The following MAGI2 variants were observed in gnomAD, a reference collection of about 807,000 sequenced individuals.
MAGI2 encodes the protein membrane associated guanylate kinase, WW and PDZ domain containing 2.
MAGI2 carries 35 observed loss-of-function variants against 133.3 expected under a neutral mutation model. The ratio of observed to expected loss-of-function variants is 0.26; its 90% CI spans 0.20 to 0.35. The LOEUF is 0.35. Among genes scored for constraint, MAGI2 ranks in the 10% least tolerant of loss-of-function variants. MAGI2 has a pLI of 1.00. For synonymous variants in MAGI2, 729 were observed against 710.6 expected (o/e 1.03, Z -0.41); for missense variants, 1,636 against 1,863.4 (o/e 0.88, Z 2.25).
At chr7:78,453,454 T>G (rs916268427) in intron 6 of MAGI2, among the ~76,000 whole-genome samples, 5 of 152,222 alleles carry the variant, frequency 3.3e-5, no homozygotes, top group Non-Finnish European at 7.4e-5. Context: ...TCTGTTCATT[T>G]CTTTCTTGCA....
At chr7:79,239,141 A>G (rs1832176693) in intron 1 of MAGI2, among the ~76,000 whole-genome samples, 1 of 152,216 alleles carries the variant, frequency 6.6e-6, no homozygotes, top group Non-Finnish European at 1.5e-5. Context: ...TGACAAAATT[A>G]TATTACTACA....
chr7:78,049,215 G>C (rs77686095), intron 21 of MAGI2, among the ~76,000 whole-genome samples: 14,746 of 152,174 alleles, frequency 0.097, 789 homozygotes, highest in African/African-American at 0.11. Context: ...TGATGAGAAA[G>C]AGACATTGTG....
intron 6 of MAGI2, among the ~76,000 whole-genome samples, chr7:78,412,046 C>T (rs1488030129): frequency 2.0e-5 from 3 of 151,934 alleles, no homozygotes; most frequent in African/African-American, 7.2e-5. Context: ...TTGTTAAGTG[C>T]AACTTTAAGG....
At chr7:78,637,671 C>T (rs2150980913) in intron 2 of MAGI2, among the ~76,000 whole-genome samples, 1 of 151,672 alleles carries the variant, frequency 6.6e-6, no homozygotes, top group African/African-American at 2.4e-5. Context: ...GGAATTAGTA[C>T]TCATAAAGCT....
chr7:78,667,795 G>A (rs1813806158), intron 2 of MAGI2, among the ~76,000 whole-genome samples: 1 of 151,886 alleles, frequency 6.6e-6, no homozygotes, highest in Non-Finnish European at 1.5e-5. Context: ...TATCATTATT[G>A]GACATTTGGG....
chr7:79,031,858 G>T (rs1810608557), intron 1 of MAGI2, among the ~76,000 whole-genome samples: 1 of 151,916 alleles, frequency 6.6e-6, no homozygotes, highest in Non-Finnish European at 1.5e-5. Flanking sequence ...AATTGATTTA[G>T]ATTTATCATC....
intron 1 of MAGI2, among the ~76,000 whole-genome samples, chr7:79,181,194 G>C (rs948942620): frequency 1.3e-5 from 2 of 151,978 alleles, no homozygotes; most frequent in East Asian, 1.9e-4. Flanking sequence ...TAGAGACTCT[G>C]TGTGGGGGCT....
intron 9 of MAGI2, among the ~76,000 whole-genome samples, chr7:78,274,147 G>GA (rs2085125308): frequency 6.6e-6 from 1 of 152,138 alleles, no homozygotes; most frequent in South Asian, 2.1e-4. Flanking sequence ...TGTTGATGCT[G>GA]ATACTATTCC....
At chr7:78,232,143 CA>C (rs1257529723) in intron 10 of MAGI2, among the ~76,000 whole-genome samples, 1 of 152,086 alleles carries the variant, frequency 6.6e-6, no homozygotes, top group East Asian at 1.9e-4. Flanking sequence ...ACAAAATTGG[CA>C]GGCAAACTCA....
At chr7:78,443,014 T>C (rs1787776454) in intron 6 of MAGI2, among the ~76,000 whole-genome samples, 1 of 152,218 alleles carries the variant, frequency 6.6e-6, no homozygotes, top group Admixed American at 6.5e-5. Context: ...GTCAGTTAAC[T>C]TGATACTAAA....
intron 2 of MAGI2, among the ~76,000 whole-genome samples, chr7:78,954,747 C>T (rs1802152063): frequency 1.3e-5 from 2 of 152,104 alleles, no homozygotes; most frequent in South Asian, 2.1e-4. Context: ...TGTTTTACTG[C>T]GTGTTAATAG....
chr7:78,757,160 C>T (rs576485432), intron 2 of MAGI2, among the ~76,000 whole-genome samples: 1 of 152,134 alleles, frequency 6.6e-6, no homozygotes, highest in Non-Finnish European at 1.5e-5. Context: ...CCCATAAGTG[C>T]AACCTTGTTC....
intron 1 of MAGI2, among the ~76,000 whole-genome samples, chr7:79,229,370 A>G (rs1585260852): frequency 6.6e-6 from 1 of 152,230 alleles, no homozygotes; most frequent in Admixed American, 6.5e-5. Context: ...TAGCAGTGAA[A>G]ATAAGGAATA....
chr7:78,332,948 A>G (rs979455147), intron 9 of MAGI2, among the ~76,000 whole-genome samples: 4 of 152,222 alleles, frequency 2.6e-5, no homozygotes, highest in African/African-American at 9.6e-5. Context: ...AGCTGGCTAG[A>G]AATTTATTTT....
At chr7:78,392,685 T>G (rs28399145) in intron 6 of MAGI2, among the ~76,000 whole-genome samples, 57,279 of 152,114 alleles carry the variant, frequency 0.38, 11,348 homozygotes, top group Middle Eastern at 0.5. Context: ...CTCCTGTTGC[T>G]TAGGCTAGAG....
chr7:78,030,469 A>G (rs1490633246), intron 21 of MAGI2, among the ~76,000 whole-genome samples: 1 of 152,022 alleles, frequency 6.6e-6, no homozygotes, highest in East Asian at 1.9e-4. Context: ...GTTGGCCAGG[A>G]TGGTCTTGAT....
intron 1 of MAGI2, among the ~76,000 whole-genome samples, chr7:79,185,240 G>T (rs1465179408): frequency 6.6e-6 from 1 of 151,858 alleles, no homozygotes. Flanking sequence ...AACTCCATTG[G>T]TATCTTTCTA....
At chr7:78,334,137 A>T (rs1361797124) in intron 9 of MAGI2, among the ~76,000 whole-genome samples, 1 of 152,164 alleles carries the variant, frequency 6.6e-6, no homozygotes, top group East Asian at 1.9e-4. Context: ...AACAACCAGG[A>T]AATTGTATTA....
chr7:78,134,963 C>T (rs1047001269), intron 17 of MAGI2, 58 bp downstream of exon 17: 1 of 1,512,582 alleles, frequency 6.6e-7, no homozygotes, highest in South Asian at 1.2e-5. Flanking sequence ...GCTGAGAACA[C>T]CCGGTGAGTG....
Sources: gnomAD v4.1 joint callset for allele counts (sites outside exome capture counted in the v4.1 genomes callset) on GRCh38, gnomAD v4.1.1 for gene constraint, MANE v1.5 for transcripts, NCBI Gene and HGNC (gene_info 2026-07-23, HGNC 2026-07-21) for gene names.